Variants in PPP6R3 observed in about 807,000 individuals in gnomAD.
The protein encoded by PPP6R3 is protein phosphatase 6 regulatory subunit 3, also known as serine/threonine-protein phosphatase 6 regulatory subunit 3.
In PPP6R3, 38 loss-of-function variants were observed where a neutral mutation model predicts 110.7. The observed-to-expected ratio is 0.34, with a 90% CI of 0.26 to 0.45. The LOEUF (loss-of-function observed/expected upper bound fraction) is 0.45, where lower values mean the gene tolerates loss of function less well. Among genes scored for constraint, PPP6R3 ranks in the 20% least tolerant of loss-of-function variants. The pLI is 1.00. For synonymous variants in PPP6R3, 369 were observed against 373.5 expected, an observed-to-expected ratio of 0.99 and a Z score of 0.14; for missense variants, 870 against 1,062.4, an observed-to-expected ratio of 0.82 and a Z score of 2.52.
At position 68,614,497 on chromosome 11, in the gene PPP6R3, T is replaced by C; in HGVS notation, c.*1380T>C. On this transcript the variant is annotated 3_prime_UTR_variant, in exon 24 of 24. Coordinates refer to ENST00000393800, the MANE Select transcript of PPP6R3 (RefSeq NM_001164161.2). ...TGACCAGTATTTAAAACCAAAAGGA[T>C]ATTCTGAAAAATGGCCAACAATTTT... 7.1e-7 allele frequency: 1 copy of C among 1,412,526 alleles called. No homozygotes were observed. Among genetic ancestry groups the C allele is most frequent in the African/African-American group, 1.5e-5 (1 of 67,300 alleles). The allele number at this position is 1,412,526 out of a possible 1,614,324, so 87.5% of individuals were successfully genotyped here. A position where few individuals can be genotyped will look rare whatever the true frequency, so the allele number is the denominator to read the frequency against.
intron 1 of PPP6R3, among the ~76,000 whole-genome samples, chr11:68,494,738 C>T (rs1159484417): frequency 2.0e-5 from 3 of 152,016 alleles, no homozygotes; most frequent in Non-Finnish European, 4.4e-5. Flanking sequence ...GTTTACTCCC[C>T]CTTTTGAAAG....
chr11:68,517,755 T>C (rs949492854), intron 1 of PPP6R3, among the ~76,000 whole-genome samples: 1 of 152,046 alleles, frequency 6.6e-6, no homozygotes, highest in East Asian at 1.9e-4. Context: ...CTGGCCAACA[T>C]GGTGAAATCC....
intron 1 of PPP6R3, among the ~76,000 whole-genome samples, chr11:68,478,647 G>GTTGTTTTTTTTTTT (rs2098860140): frequency 1.2e-4 from 6 of 50,506 alleles, no homozygotes; most frequent in Non-Finnish European, 1.9e-4. Flanking sequence ...CACTTGGTAA[G>GTTGTTTTTTTTTTT]TTTTTTTTTT....
chr11:68,557,600 C>T (rs1400067918), intron 7 of PPP6R3, among the ~76,000 whole-genome samples: 1 of 152,158 alleles, frequency 6.6e-6, no homozygotes, highest in Non-Finnish European at 1.5e-5. Flanking sequence ...CTTACCGCAA[C>T]CTCTGCCTGC....
intron 18 of PPP6R3, among the ~76,000 whole-genome samples, chr11:68,595,261 G>A (rs553020844): frequency 6.8e-5 from 9 of 131,640 alleles, no homozygotes; most frequent in Non-Finnish European, 9.3e-5. Flanking sequence ...TCTTGTCCAG[G>A]CTGGAGTGCA....
intron 4 of PPP6R3, among the ~76,000 whole-genome samples, chr11:68,546,749 T>G (rs2099350731): frequency 6.6e-6 from 1 of 152,140 alleles, no homozygotes; most frequent in African/African-American, 2.4e-5. Context: ...GCTGCATGAG[T>G]CAGCACCCCA....
chr11:68,554,914 C>G (rs2099393562), intron 7 of PPP6R3, among the ~76,000 whole-genome samples: 1 of 152,124 alleles, frequency 6.6e-6, no homozygotes, highest in Non-Finnish European at 1.5e-5. Flanking sequence ...CGGTTTACTT[C>G]TATTGTTGTT....
intron 1 of PPP6R3, among the ~76,000 whole-genome samples, chr11:68,493,405 A>C (rs2098995540): frequency 6.6e-6 from 1 of 151,952 alleles, no homozygotes; most frequent in Non-Finnish European, 1.5e-5. Flanking sequence ...TTGTCATGAG[A>C]TTATGTAATC....
intron 8 of PPP6R3, among the ~76,000 whole-genome samples, chr11:68,559,274 C>T (rs1029721164): frequency 6.6e-6 from 1 of 152,220 alleles, no homozygotes; most frequent in African/African-American, 2.4e-5. Flanking sequence ...GTGTGGCCTT[C>T]GCCCCTGGAC....
In PPP6R3 at chr11:68,537,910, C is replaced by T. The variant is rs979470485; in HGVS notation, c.227+19C>T. ...GATACAAGTAAGACAATTCAATCTT[C>T]TCTGTAGAGTGGGACTAAAGTGAAG... is the stretch of plus-strand genomic sequence containing the variant. On this transcript the variant is annotated intron_variant, in intron 3 of 23. Coordinates refer to ENST00000393800, the MANE Select transcript of PPP6R3 (RefSeq NM_001164161.2). The T allele has an allele frequency of 8.3e-6, 13 of 1,564,552 alleles. No individual in the cohort carries two copies. Among genetic ancestry groups the T allele is most frequent in the Non-Finnish European group, 1.1e-5 (12 of 1,138,104 alleles).
At chr11:68,599,287 T>C (rs958630717) in intron 19 of PPP6R3, among the ~76,000 whole-genome samples, 2 of 152,330 alleles carry the variant, frequency 1.3e-5, no homozygotes, top group South Asian at 2.1e-4. Context: ...AGGAAAAGCA[T>C]GGTGTGCAGT....
At chr11:68,570,165 AT>A (rs2099497537) in intron 11 of PPP6R3, among the ~76,000 whole-genome samples, 1 of 152,246 alleles carries the variant, frequency 6.6e-6, no homozygotes. Flanking sequence ...AGATATATAA[AT>A]TCTTTGATGA....
At chr11:68,463,341 G>A (rs1376400282) in intron 1 of PPP6R3, among the ~76,000 whole-genome samples, 1 of 120,968 alleles carries the variant, frequency 8.3e-6, no homozygotes, top group African/African-American at 3.1e-5. Flanking sequence ...GAGACAGAGC[G>A]AGACTCAGTC....
Position 68,487,385 on chromosome 11 carries a change from A to G in PPP6R3, c.-158+26558A>G, listed in dbSNP as rs1194325727. Among the ~76,000 whole-genome samples, 2 of 151,634 alleles carry G rather than the reference A, an allele frequency of 1.3e-5. 1 individual carries two copies. Reference sequence around the variant, plus strand: ...GTGAGCTATGATCAGCCTGGCCAACATGGCAAAACTCTATCTCCACTAAAA... The same window carrying G: ...GTGAGCTATGATCAGCCTGGCCAACGTGGCAAAACTCTATCTCCACTAAAA... On this transcript the variant is annotated intron_variant, in intron 1 of 23. Coordinates refer to ENST00000393800, the MANE Select transcript of PPP6R3 (RefSeq NM_001164161.2).
chr11:68,484,830 A>AC (rs1223805715), intron 1 of PPP6R3, among the ~76,000 whole-genome samples: 1 of 151,974 alleles, frequency 6.6e-6, no homozygotes, highest in African/African-American at 2.4e-5. Context: ...CAGGTGGTCC[A>AC]CCCACCTCGG....
At chr11:68,535,793 C>A (rs1451484221) in intron 2 of PPP6R3, among the ~76,000 whole-genome samples, 1 of 136,108 alleles carries the variant, frequency 7.3e-6, no homozygotes, top group Non-Finnish European at 1.5e-5. Context: ...GAAACCCCGT[C>A]TCTACTAAAA....
chr11:68,590,823 C>A, intron 17 of PPP6R3, 109 bp downstream of exon 17: 1 of 1,273,532 alleles, frequency 7.9e-7, no homozygotes, highest in Non-Finnish European at 1.0e-6. Flanking sequence ...GAGCCCTAAT[C>A]CTAAATTGGT....
chr11:68,606,985 A>C (rs1049440501), intron 22 of PPP6R3, among the ~76,000 whole-genome samples: 3 of 152,240 alleles, frequency 2.0e-5, no homozygotes, highest in African/African-American at 7.2e-5. Flanking sequence ...TATTATTCCA[A>C]AATACATCAA....
chr11:68,494,408 C>CAAAA (rs35190764), intron 1 of PPP6R3, among the ~76,000 whole-genome samples: 5 of 60,396 alleles, frequency 8.3e-5, no homozygotes, highest in African/African-American at 3.3e-4. Context: ...CCTGTAATCT[C>CAAAA]AAAAAAAAAA....
Sources: gnomAD v4.1 joint callset for allele counts (sites outside exome capture counted in the v4.1 genomes callset) on GRCh38, gnomAD v4.1.1 for gene constraint, MANE v1.5 for transcripts, NCBI Gene and HGNC (gene_info 2026-07-23, HGNC 2026-07-21) for gene names.